GRIP1: variants seen among roughly 807,000 people sequenced by gnomAD.
GRIP1 encodes glutamate receptor interacting protein 1.
A neutral mutation model predicts 129.9 loss-of-function variants in GRIP1; 45 were observed. The ratio of observed to expected loss-of-function variants is 0.35; its 90% confidence interval spans 0.27 to 0.44. GRIP1 has a LOEUF of 0.44. Ranked by LOEUF, GRIP1 falls within the 20% of genes least tolerant of loss-of-function variation. The pLI, the probability that GRIP1 is intolerant of heterozygous loss-of-function variation, is 1.00. For synonymous variants in GRIP1, 530 were observed against 520.8 expected (o/e 1.02, Z -0.24); for missense variants, 1,196 against 1,396.8 (o/e 0.86, Z 2.29).
intron 7 of GRIP1, among the ~76,000 whole-genome samples, chr12:66,478,760 T>A (rs2059703314): frequency 6.6e-6 from 1 of 152,124 alleles, no homozygotes; most frequent in African/African-American, 2.4e-5. Context: ...ACCATCATTC[T>A]CAGCAAACTA....
chr12:67,057,436 TAA>T (rs71088237), intron 1 of GRIP1, among the ~76,000 whole-genome samples: 17,089 of 126,706 alleles, frequency 0.13, 1,202 homozygotes, highest in East Asian at 0.25. Flanking sequence ...TCCAAGAACG[TAA>T]AAAAAAAAAA....
At chr12:66,926,013 T>TAAATA (rs948753343) in intron 1 of GRIP1, among the ~76,000 whole-genome samples, 2 of 152,216 alleles carry the variant, frequency 1.3e-5, no homozygotes, top group African/African-American at 4.8e-5. Flanking sequence ...TTCTGATTAA[T>TAAATA]AAATAAGCTG....
At chr12:66,883,935 G>C (rs910419858) in intron 1 of GRIP1, among the ~76,000 whole-genome samples, 1 of 152,206 alleles carries the variant, frequency 6.6e-6, no homozygotes, top group African/African-American at 2.4e-5. Flanking sequence ...AAAGTCATTA[G>C]CATAATGCCT....
intron 7 of GRIP1, among the ~76,000 whole-genome samples, chr12:66,491,996 G>C (rs944186196): frequency 2.6e-5 from 4 of 152,186 alleles, no homozygotes; most frequent in Non-Finnish European, 5.9e-5. Context: ...CTGAGGCAGA[G>C]AAACTGTTTA....
intron 7 of GRIP1, among the ~76,000 whole-genome samples, chr12:66,506,167 G>A (rs895631749): frequency 4.6e-5 from 7 of 152,100 alleles, no homozygotes; most frequent in Admixed American, 3.9e-4. Flanking sequence ...GTAACCTAAG[G>A]CCTAGCAATT....
At chr12:67,055,290 C>T (rs1233979751) in intron 1 of GRIP1, among the ~76,000 whole-genome samples, 1 of 152,204 alleles carries the variant, frequency 6.6e-6, no homozygotes, top group East Asian at 1.9e-4. Context: ...GCTGGAGCCG[C>T]TCCTGGAGTG....
intron 1 of GRIP1, among the ~76,000 whole-genome samples, chr12:66,694,815 T>A (rs1003317602): frequency 1.1e-4 from 16 of 152,134 alleles, no homozygotes; most frequent in Non-Finnish European, 2.1e-4. Context: ...AGGGAATAGA[T>A]GCTGGTAACC....
chr12:66,958,450 T>C (rs1566094841), intron 1 of GRIP1, among the ~76,000 whole-genome samples: 1 of 152,166 alleles, frequency 6.6e-6, no homozygotes, highest in Non-Finnish European at 1.5e-5. Context: ...TTTTGAAGAC[T>C]TTCTTACTTT....
rs1038007536 is a variant in GRIP1 at position 66,406,153 on chromosome 12, C to T, written c.1984+130G>A. On this transcript the variant is annotated intron_variant, in intron 16 of 24. Transcript: ENST00000359742. ...ACACTCTCAGCACAAAATTTAAAGACTCTTTTAGCTGTGAAACACTGCTGC... is the reference window on the plus strand; with the variant it reads ...ACACTCTCAGCACAAAATTTAAAGATTCTTTTAGCTGTGAAACACTGCTGC... 6.1e-6 allele frequency: 5 copies of T among 821,744 alleles called. No homozygotes were observed. The African/African-American group carries it at 8.5e-5, about 14-fold the overall frequency. The allele number at this position is 821,744 out of a possible 1,614,324, so 50.9% of individuals were successfully genotyped here.
At chr12:66,420,385 G>A (rs1410764296) in intron 15 of GRIP1, among the ~76,000 whole-genome samples, 1 of 148,868 alleles carries the variant, frequency 6.7e-6, no homozygotes, top group Non-Finnish European at 1.5e-5. Context: ...CTCTGTTTGG[G>A]TACCTCTAAT....
intron 1 of GRIP1, among the ~76,000 whole-genome samples, chr12:66,617,909 A>T (rs2139941072): frequency 6.6e-6 from 1 of 151,974 alleles, no homozygotes; most frequent in Middle Eastern, 3.4e-3. Context: ...ACTCTCATAC[A>T]TTTCAGGTGG....
chr12:66,621,453 C>A (rs1216741327), intron 1 of GRIP1, among the ~76,000 whole-genome samples: 1 of 151,598 alleles, frequency 6.6e-6, no homozygotes, highest in East Asian at 1.9e-4. Flanking sequence ...CCTTTTATTG[C>A]TGAATAATAT....
chr12:67,049,011 A>C (rs2043298989), intron 1 of GRIP1, among the ~76,000 whole-genome samples: 1 of 151,942 alleles, frequency 6.6e-6, no homozygotes, highest in South Asian at 2.1e-4. Flanking sequence ...TTTTTTGTAG[A>C]GACAGGGTCT....
At chr12:66,895,235 TG>T (rs2040726453) in intron 1 of GRIP1, among the ~76,000 whole-genome samples, 1 of 152,166 alleles carries the variant, frequency 6.6e-6, no homozygotes, top group South Asian at 2.1e-4. Flanking sequence ...AAGGACCTGG[TG>T]GGAGGTAATT....
At position 66,379,318 on chromosome 12, in the gene GRIP1, C is replaced by T. The variant is rs748630387; in HGVS notation, c.2583G>A (p.Gly861=). 4 of 1,613,964 alleles carry T rather than the reference C, an allele frequency of 2.5e-6. No individual in the cohort carries two copies. In the East Asian group the frequency reaches 6.7e-5, roughly 27 times the overall value. ...ACCGGTCCCAGTCTTCATAACTCAG[C>T]CCCACATCTGGGTAAGTCTGGCTTC... The part of the protein sequence containing the change: ...KPRSQTYPDV[G]LSYEDWDRST... The change falls in exon 20 of 25, where the codon GGG becomes GGA. Residue 861 remains glycine (G), a synonymous_variant. Coordinates refer to ENST00000359742, the MANE Select transcript of GRIP1 (RefSeq NM_001366722.1).
At chr12:66,408,714 A>C (rs1300191044) in intron 15 of GRIP1, among the ~76,000 whole-genome samples, 1 of 152,120 alleles carries the variant, frequency 6.6e-6, no homozygotes, top group Non-Finnish European at 1.5e-5. Context: ...AGGGTAGAGT[A>C]CCAAGTGGGC....
intron 1 of GRIP1, among the ~76,000 whole-genome samples, chr12:66,740,281 A>C (rs1161665527): frequency 6.6e-6 from 1 of 152,104 alleles, no homozygotes; most frequent in African/African-American, 2.4e-5. Context: ...ATCTAATTTC[A>C]GGTTTGCCTT....
chr12:66,753,013 A>C (rs1016399671), intron 1 of GRIP1, among the ~76,000 whole-genome samples: 1 of 152,204 alleles, frequency 6.6e-6, no homozygotes, highest in South Asian at 2.1e-4. Flanking sequence ...AAGATCTTCT[A>C]TAATCCAGCC....
At chr12:66,527,640 A>G (rs188006198) in intron 5 of GRIP1, among the ~76,000 whole-genome samples, 5 of 152,112 alleles carry the variant, frequency 3.3e-5, no homozygotes, top group Admixed American at 3.3e-4. Context: ...AAACCTGTAC[A>G]TTGTGCACAT....
Sources: gnomAD v4.1 joint callset for allele counts (sites outside exome capture counted in the v4.1 genomes callset) on GRCh38, gnomAD v4.1.1 for gene constraint, MANE v1.5 for transcripts, NCBI Gene and HGNC (gene_info 2026-07-23, HGNC 2026-07-21) for gene names.